Variants in XKRX observed in about 807,000 individuals in gnomAD.
The protein encoded by XKRX is XK-related protein 2.
XKRX carries 11 observed loss-of-function variants against 22.4 expected under a neutral mutation model. The ratio of observed to expected loss-of-function variants is 0.49; its 90% confidence interval spans 0.31 to 0.81. XKRX has a LOEUF of 0.81. Among genes scored for constraint, XKRX ranks in the 40% least tolerant of loss-of-function variants. The probability of loss-of-function intolerance (pLI) is 0.05; values close to 1 mark genes in which losing one functional copy is unlikely to be tolerated. For synonymous variants in XKRX, 114 were observed against 132.2 expected (o/e 0.86, Z 0.94); for missense variants, 320 against 336.5 (o/e 0.95, Z 0.38).
At chrX:100,900,581 C>A in the XKRX span, among the ~76,000 whole-genome samples, 3 of 109,017 alleles carry the variant, frequency 2.8e-5, no homozygotes, top group Admixed American at 3.0e-4. Context: ...GTGGGAGAAT[C>A]ATTTGAGCTA....
chrX:100,911,265 C>T, downstream of XKRX: 1 of 1,074,901 alleles, frequency 9.3e-7, no homozygotes, highest in Non-Finnish European at 1.3e-6. Flanking sequence ...GTAACACATC[C>T]TGAACTGAAA....
intron 2 of XKRX, among the ~76,000 whole-genome samples, chrX:100,917,446 G>A (rs1429826089): frequency 9.4e-6 from 1 of 106,309 alleles, no homozygotes; most frequent in Non-Finnish European, 1.9e-5. Flanking sequence ...GGTGAAACCC[G>A]GTCTCTACTA....
At chrX:100,888,300 A>G in the XKRX span, 3 of 683,113 alleles carry the variant, frequency 4.4e-6, no homozygotes, top group Non-Finnish European at 7.0e-6. Flanking sequence ...TGGGCACCTG[A>G]TCTTTGATAA....
At chrX:100,916,146 GTTAA>G (rs201563406) in intron 2 of XKRX, among the ~76,000 whole-genome samples, 1,132 of 110,177 alleles carry the variant, frequency 0.01, 23 homozygotes, top group African/African-American at 0.036. Context: ...TGATGAATGT[GTTAA>G]TTAGTTTGGT....
chrX:100,917,677 A>AAAGAAAGAAAG (rs1569454734), intron 2 of XKRX, among the ~76,000 whole-genome samples: 1 of 71,924 alleles, frequency 1.4e-5, no homozygotes, highest in African/African-American at 5.8e-5. Flanking sequence ...AAGAAAGAAA[A>AAAGAAAGAAAG]GAAAGAAAGA....
chrX:100,890,111 T>G, the XKRX span, among the ~76,000 whole-genome samples: 1 of 111,236 alleles, frequency 9.0e-6, no homozygotes. Flanking sequence ...ACAACCAGAG[T>G]TGCTGGACAG....
At chrX:100,888,325 A>T in the XKRX span, 1 of 698,847 alleles carries the variant, frequency 1.4e-6, no homozygotes, top group East Asian at 3.2e-5. Context: ...CTCTTGAGAC[A>T]GTTCTCCTTG....
At chrX:100,888,680 G>T in the XKRX span, 1 of 348,485 alleles carries the variant, frequency 2.9e-6, no homozygotes, top group Non-Finnish European at 5.0e-6. Context: ...ATCTGGAGAG[G>T]CTATTTTAAA....
chrX:100,905,337 T>G, the XKRX span, among the ~76,000 whole-genome samples: 1 of 112,279 alleles, frequency 8.9e-6, no homozygotes, highest in Non-Finnish European at 1.9e-5. Flanking sequence ...TTCAAAGGCA[T>G]CTATCATAAC....
At chrX:100,918,734 T>C (rs899292509) in intron 2 of XKRX, among the ~76,000 whole-genome samples, 1 of 111,705 alleles carries the variant, frequency 9.0e-6, no homozygotes, top group Non-Finnish European at 1.9e-5. Context: ...CTTAGAGAAA[T>C]GCCTAGAACC....
chrX:100,896,501 T>C, the XKRX span, among the ~76,000 whole-genome samples: 1 of 112,009 alleles, frequency 8.9e-6, no homozygotes, highest in Non-Finnish European at 1.9e-5. Flanking sequence ...CATACATGTG[T>C]GGTTATACAT....
At chrX:100,949,079 G>A in the XKRX span, among the ~76,000 whole-genome samples, 8,637 of 112,308 alleles carry the variant, frequency 0.077, 691 homozygotes, top group African/African-American at 0.24. Flanking sequence ...TGTGTCAGTC[G>A]ACAAGGCCCG....
chrX:100,947,050 C>T, the XKRX span, among the ~76,000 whole-genome samples: 5 of 112,006 alleles, frequency 4.5e-5, no homozygotes, highest in Non-Finnish European at 9.4e-5. Flanking sequence ...TAATTTATCA[C>T]GAAATGGGGA....
chrX:100,928,358 C>A lies in XKRX; in HGVS notation c.-54G>T. The A allele has an allele frequency of 5.9e-6, 7 of 1,179,056 alleles. No individual in the cohort carries two copies. The highest frequency in any genetic ancestry group is 8.0e-6 in the Non-Finnish European group (7 of 879,774). ...CTTGTGTTCATAGCACCCTCCCACC[C>A]ATCCCCAAGAGAACCCTATGGCCGC... On this transcript the variant is annotated 5_prime_UTR_variant, in exon 1 of 3. An upstream start codon of the reference 5' UTR is lost. Coordinates refer to ENST00000372956, the MANE Select transcript of XKRX (RefSeq NM_212559.3).
chrX:100,943,313 C>T, the XKRX span, among the ~76,000 whole-genome samples: 7 of 112,227 alleles, frequency 6.2e-5, no homozygotes, highest in Admixed American at 3.8e-4. Context: ...TTATACTTTA[C>T]GTTAATACTA....
In XKRX at chrX:100,914,501, C is replaced by A. The variant is rs367669460; in HGVS notation, c.1187G>T (p.Gly396Val). 8.7e-5 allele frequency: 105 copies of A among 1,210,043 alleles called. No homozygotes were observed. The highest frequency in any genetic ancestry group is 1.2e-4 in the Non-Finnish European group (103 of 895,231). Residue 396 changes from glycine (G) to valine (V), a missense_variant, in exon 3 of 3, where the codon GGC becomes GTC. Physicochemically the swap from Gly to Val is moderately radical, Grantham distance 109. Coordinates refer to ENST00000372956, the MANE Select transcript of XKRX (RefSeq NM_212559.3). ...QLIIAYLISI[G>V]FMLLFFQYLH... ...GTACTGGAAGAAAAGGAGCATGAAG[C>A]CAATGGAAATCAGATAAGCAATAAT...
chrX:100,890,545 T>C, the XKRX span, among the ~76,000 whole-genome samples: 4 of 110,819 alleles, frequency 3.6e-5, no homozygotes, highest in Non-Finnish European at 7.6e-5. Flanking sequence ...CATGAAATAG[T>C]TGGCCTAATA....
the XKRX span, among the ~76,000 whole-genome samples, chrX:100,891,054 T>C: frequency 9.0e-6 from 1 of 111,409 alleles, no homozygotes; most frequent in African/African-American, 3.3e-5. Flanking sequence ...AGTCAACAAA[T>C]TATAGTCTTA....
At chrX:100,910,082 A>C (rs1241057560), downstream of XKRX, among the ~76,000 whole-genome samples, 2 of 110,751 alleles carry the variant, frequency 1.8e-5, no homozygotes, top group Non-Finnish European at 3.8e-5. Flanking sequence ...CTATTAGTTT[A>C]TTTCTTTTCC....
Sources: gnomAD v4.1 joint callset for allele counts (sites outside exome capture counted in the v4.1 genomes callset) on GRCh38, gnomAD v4.1.1 for gene constraint, MANE v1.5 for transcripts, NCBI Gene and HGNC (gene_info 2026-07-23, HGNC 2026-07-21) for gene names.